Variants in FOXC1 observed in about 807,000 individuals in gnomAD.
The protein encoded by FOXC1 is forkhead box C1, also known as forkhead box protein C1.
In FOXC1, 5 loss-of-function variants were observed where a neutral mutation model predicts 8.1. That is an observed-to-expected ratio of 0.62 (90% CI 0.32 to 1.30). The LOEUF is 1.30. FOXC1 is among the 50% of genes most tolerant of loss of function. The pLI is 0.05. For missense variants in FOXC1, 942 were observed against 858.0 expected, an observed-to-expected ratio of 1.10 and a Z score of -1.22; for synonymous variants, 552 against 417.2, an observed-to-expected ratio of 1.32 and a Z score of -3.94.
At position 1,610,922 on chromosome 6, in the gene FOXC1, C is replaced by T. The variant is rs200884695; in HGVS notation, c.477C>T (p.Tyr159=). The stretch of plus-strand genomic sequence containing the variant: ...ACTGGACGCTGGACCCGGACTCCTA[C>T]AACATGTTCGAGAACGGCAGCTTCC... ...GSYWTLDPDS[Y]NMFENGSFLR... is the part of the protein sequence containing the mutation. Residue 159 remains tyrosine (Y), a synonymous_variant, in exon 1 of 1, where the codon TAC becomes TAT. Coordinates refer to ENST00000645831, the MANE Select transcript of FOXC1 (RefSeq NM_001453.3). 6.2e-6 allele frequency: 10 copies of T among 1,613,814 alleles called. No homozygotes were observed. The highest frequency in any genetic ancestry group is 1.7e-5 in the Admixed American group (1 of 60,004).
In FOXC1 at chr6:1,611,906, C is replaced by CGCG. The variant is rs747574884; in HGVS notation, c.1479_1481dup (p.Ala495dup). 4.3e-4 allele frequency: 665 copies of CGCG among 1,536,664 alleles called. No homozygotes were observed. Among genetic ancestry groups the CGCG allele is most frequent in the Non-Finnish European group, 5.1e-4 (586 of 1,141,696 alleles). On this transcript the variant is annotated inframe_insertion, in exon 1 of 1. Transcript: ENST00000645831. The surrounding 1 kb of genome is among the most constrained non-coding windows in gnomAD (Gnocchi z 7.1). ...GCGGAGACCTGGGCCACTTGGCGAG[C>CGCG]GCGGCGGCGGCGGCGGCGGCCGCAG...
chr6:1,611,375 G>T lies in FOXC1; in HGVS notation c.930G>T (p.Val310=). 1 of 1,447,540 alleles carries T rather than the reference G, an allele frequency of 6.9e-7. No individual in the cohort carries two copies. The highest frequency in any genetic ancestry group is 9.1e-7 in the Non-Finnish European group (1 of 1,101,794). The allele number at this position is 1,447,540 out of a possible 1,614,324, so 89.7% of individuals were successfully genotyped here. The change falls in exon 1 of 1, where the codon GTG becomes GTT. Residue 310 remains valine, a synonymous_variant. Coordinates refer to ENST00000645831, the MANE Select transcript of FOXC1 (RefSeq NM_001453.3). The surrounding 1 kb of genome is among the most constrained non-coding windows in gnomAD (Gnocchi z 7.1). ...PPPHHSQGFS[V]DNIMTSLRGS... is the part of the protein sequence containing the mutation. The stretch of plus-strand genomic sequence containing the variant: ...CGCACCATAGCCAGGGCTTCAGCGT[G>T]GACAACATCATGACGTCGCTGCGGG...
chr6:1,611,691 C>T lies in FOXC1; in HGVS notation c.1246C>T (p.Pro416Ser), dbSNP rs772035500. 4.2e-6 allele frequency: 6 copies of T among 1,426,056 alleles called. No individual in the cohort carries two copies. Among genetic ancestry groups the T allele is most frequent in the Middle Eastern group, 4.6e-4 (2 of 4,302 alleles). The allele number at this position is 1,426,056 out of a possible 1,614,324, so 88.3% of individuals were successfully genotyped here. A position where few individuals can be genotyped will look rare whatever the true frequency, so the allele number is the denominator to read the frequency against. ...GCGCGGGGGCCACTTGCAGGGCGCG[C>T]CCGGGGGCGCGGGCGGCTCGGCCGT... ...GERGGHLQGAPGGAGGSAVDD... is the reference protein window; with the variant it reads ...GERGGHLQGASGGAGGSAVDD... Residue 416 changes from proline to serine, a missense_variant, in exon 1 of 1, where the codon CCC (proline) becomes TCC (serine). By Grantham distance (74) the Pro-to-Ser change is moderately conservative. Around this residue, in one of 4 missense-constraint regions of FOXC1, gnomAD observed 726 missense variants for 599.6 expected, o/e 1.21. Transcript: ENST00000645831. This position sits in a 1 kb window ranked among gnomAD's most constrained non-coding sequence, Gnocchi z 7.1.
chr6:1,610,621 G>T lies in FOXC1; in HGVS notation c.176G>T (p.Gly59Val), dbSNP rs1762519001. 1.9e-6 allele frequency: 3 copies of T among 1,611,168 alleles called. No individual in the cohort carries two copies. Among genetic ancestry groups the T allele is most frequent in the African/African-American group, 2.7e-5 (2 of 74,756 alleles). ...GCGCACGCCGAGCAGTACCCGGGCG[G>T]CATGGCCCGCGCCTACGGGCCCTAC... Reference protein sequence around the residue: ...HPAHAEQYPGGMARAYGPYTP... With the variant: ...HPAHAEQYPGVMARAYGPYTP... The change falls in exon 1 of 1, where the codon GGC (glycine) becomes GTC (valine). Residue 59 changes from glycine (G) to valine (V), a missense_variant. Gly to Val is a moderately radical substitution (Grantham distance 109). This residue lies in a region of FOXC1 where 190 missense variants were observed against 176.8 expected (regional missense o/e 1.07). Coordinates refer to ENST00000645831, the MANE Select transcript of FOXC1 (RefSeq NM_001453.3).
At position 1,612,869 on chromosome 6, in the gene FOXC1, A is replaced by C. The variant is rs1478976089; in HGVS notation, c.*762A>C. The C allele has an allele frequency of 1.4e-5, 3 of 214,330 alleles. No homozygotes were observed. Among genetic ancestry groups the C allele is most frequent in the Non-Finnish European group, 3.1e-5 (3 of 97,010 alleles). 13.3% of individuals were successfully genotyped at this position (214,330 alleles called of 1,614,324 possible). On this transcript the variant is annotated 3_prime_UTR_variant, in exon 1 of 1. Coordinates refer to ENST00000645831, the MANE Select transcript of FOXC1 (RefSeq NM_001453.3). ...CTTTAATAGAGCTTTAATTATTACG[A>C]AAAAAGATTTCAGAGATAAAACACT...
In FOXC1 at chr6:1,611,366, C is replaced by T. The variant is rs369300819; in HGVS notation, c.921C>T (p.Gly307=). The T allele has an allele frequency of 1.5e-3, 2,201 of 1,443,244 alleles. 5 individuals carry two copies. The highest frequency in any genetic ancestry group is 3.4e-3 in the South Asian group (262 of 76,380). The allele number at this position is 1,443,244 out of a possible 1,614,324, so 89.4% of individuals were successfully genotyped here. The change falls in exon 1 of 1, where the codon GGC becomes GGT. Residue 307 remains glycine, a synonymous_variant. Coordinates refer to ENST00000645831, the MANE Select transcript of FOXC1 (RefSeq NM_001453.3). This position sits in a 1 kb window ranked among gnomAD's most constrained non-coding sequence, Gnocchi z 7.1. Reference sequence around the variant, plus strand: ...CCCCGCCGCCGCACCATAGCCAGGGCTTCAGCGTGGACAACATCATGACGT... The same window carrying T: ...CCCCGCCGCCGCACCATAGCCAGGGTTTCAGCGTGGACAACATCATGACGT... ...PSAPPPHHSQ[G]FSVDNIMTSL...
Position 1,611,209 on chromosome 6 carries a change from C to T in FOXC1, c.764C>T (p.Pro255Leu). Reference protein sequence around the residue: ...ALGSGSAAAVPKIESPDSSSS... With the variant: ...ALGSGSAAAVLKIESPDSSSS... Reference sequence around the variant, plus strand: ...GGCAGCGGCAGCGCCGCCGCGGTGCCCAAGATCGAGAGCCCCGACAGCAGC... The same window carrying T: ...GGCAGCGGCAGCGCCGCCGCGGTGCTCAAGATCGAGAGCCCCGACAGCAGC... Residue 255 changes from proline (P) to leucine (L), a missense_variant, in exon 1 of 1, where the codon CCC becomes CTC. Physicochemically the swap from Pro to Leu is moderately conservative, Grantham distance 98 (BLOSUM62 -3). Around this residue, in one of 4 missense-constraint regions of FOXC1, gnomAD observed 726 missense variants for 599.6 expected, o/e 1.21. Transcript: ENST00000645831. The surrounding 1 kb of genome is among the most constrained non-coding windows in gnomAD (Gnocchi z 7.1). 1 of 1,459,784 alleles carries T rather than the reference C, an allele frequency of 6.9e-7. No individual in the cohort carries two copies. The allele number at this position is 1,459,784 out of a possible 1,614,324, so 90.4% of individuals were successfully genotyped here. A position where few individuals can be genotyped will look rare whatever the true frequency, so the allele number is the denominator to read the frequency against.
chr6:1,611,480 AC>A lies in FOXC1; in HGVS notation c.1040del (p.Pro347ArgfsTer54). On this transcript the variant is annotated frameshift_variant, in exon 1 of 1. Coordinates refer to ENST00000645831, the MANE Select transcript of FOXC1 (RefSeq NM_001453.3). LOFTEE classifies it low-confidence loss of function (END_TRUNC). The surrounding 1 kb of genome is among the most constrained non-coding windows in gnomAD (Gnocchi z 7.1). Reference protein sequence around the residue: ...AAASSRAGIAPPLALGAYSPG... With the variant: ...AAASSRAGIAXPLALGAYSPG... ...CCGCGTCCTCGCGCGCGGGGATCGC[AC>A]CCCCGCTGGCGCTCGGCGCCTACTC... The A allele has an allele frequency of 7.2e-7, 1 of 1,379,534 alleles. No homozygotes were observed. Among genetic ancestry groups the A allele is most frequent in the South Asian group, 1.5e-5 (1 of 66,068 alleles). 85.5% of individuals were successfully genotyped at this position (1,379,534 alleles called of 1,614,324 possible).
At position 1,612,560 on chromosome 6, in the gene FOXC1, A is replaced by C. The variant is rs937369274; in HGVS notation, c.*453A>C. The C allele has an allele frequency of 2.8e-5, 7 of 253,400 alleles. No individual in the cohort carries two copies. The highest frequency in any genetic ancestry group is 8.8e-5 in the African/African-American group (4 of 45,312). The allele number at this position is 253,400 out of a possible 1,614,324, so 15.7% of individuals were successfully genotyped here. On this transcript the variant is annotated 3_prime_UTR_variant, in exon 1 of 1. Coordinates refer to ENST00000645831, the MANE Select transcript of FOXC1 (RefSeq NM_001453.3). ...GAGGGGGAAAGTCCCCGTTTATGAA[A>C]GTCGCTTTCTTTTTATTCATGGACT...
At position 1,610,008 on chromosome 6, in the gene FOXC1, G is replaced by A. The variant is rs1762501451; in HGVS notation, c.-438G>A. ...GACGCGGGGCCCGGGCAGGCGGCCGGCGCGCGGCCCCCCCCCCCCCCGCCC... is the reference window on the plus strand; with the variant it reads ...GACGCGGGGCCCGGGCAGGCGGCCGACGCGCGGCCCCCCCCCCCCCCGCCC... On this transcript the variant is annotated 5_prime_UTR_variant, in exon 1 of 1. Coordinates refer to ENST00000645831, the MANE Select transcript of FOXC1 (RefSeq NM_001453.3). 6.9e-6 allele frequency: 1 copy of A among 144,610 alleles called. No individual in the cohort carries two copies. The highest frequency in any genetic ancestry group is 6.7e-5 in the Admixed American group (1 of 14,906). 9.0% of individuals were successfully genotyped at this position (144,610 alleles called of 1,614,324 possible). A position where few individuals can be genotyped will look rare whatever the true frequency, so the allele number is the denominator to read the frequency against.
rs528961345 is a variant in FOXC1, at chr6:1,612,746, T to G, written c.*639T>G. ...TATAAAAAGGGAAACTGTATTAATC[T>G]TATTCTATCCTCTTTTCTTTCTTTT... On this transcript the variant is annotated 3_prime_UTR_variant, in exon 1 of 1. Coordinates refer to ENST00000645831, the MANE Select transcript of FOXC1 (RefSeq NM_001453.3). 5.6e-5 allele frequency: 12 copies of G among 215,336 alleles called. No homozygotes were observed. The highest frequency in any genetic ancestry group is 2.8e-4 in the African/African-American group (12 of 43,590). The allele number at this position is 215,336 out of a possible 1,614,324, so 13.3% of individuals were successfully genotyped here. A position where few individuals can be genotyped will look rare whatever the true frequency, so the allele number is the denominator to read the frequency against.
At position 1,611,762 on chromosome 6, in the gene FOXC1, C is replaced by T; in HGVS notation, c.1317C>T (p.Ser439=). 2.7e-6 allele frequency: 4 copies of T among 1,473,018 alleles called. No homozygotes were observed. The highest frequency in any genetic ancestry group is 3.6e-6 in the Non-Finnish European group (4 of 1,118,644). The allele number at this position is 1,473,018 out of a possible 1,614,324, so 91.2% of individuals were successfully genotyped here. A position where few individuals can be genotyped will look rare whatever the true frequency, so the allele number is the denominator to read the frequency against. ...PDYSLPPVTS[S]SSSSLSHGGG... ...ACTCTCTGCCTCCGGTCACCAGCAGCAGCTCGTCGTCCCTGAGTCACGGCG... is the reference window on the plus strand; with the variant it reads ...ACTCTCTGCCTCCGGTCACCAGCAGTAGCTCGTCGTCCCTGAGTCACGGCG... Residue 439 remains serine (S), a synonymous_variant, in exon 1 of 1, where the codon AGC becomes AGT. Transcript: ENST00000645831. The surrounding 1 kb of genome is among the most constrained non-coding windows in gnomAD (Gnocchi z 7.1).
rs7755359 is a variant in FOXC1, at chr6:1,610,106, G to T, written c.-340G>T. 1 of 150,968 alleles carries T rather than the reference G, an allele frequency of 6.6e-6. No individual in the cohort carries two copies. Among genetic ancestry groups the T allele is most frequent in the African/African-American group, 2.4e-5 (1 of 41,072 alleles). 9.4% of individuals were successfully genotyped at this position (150,968 alleles called of 1,614,324 possible). A position where few individuals can be genotyped will look rare whatever the true frequency, so the allele number is the denominator to read the frequency against. On this transcript the variant is annotated 5_prime_UTR_variant, in exon 1 of 1. Coordinates refer to ENST00000645831, the MANE Select transcript of FOXC1 (RefSeq NM_001453.3). ...AAGGCGCAGGCAGTGTGGCGAGAAG[G>T]GCGCCTGCTTGTTCTTTCTTTTTGT...
At position 1,611,457 on chromosome 6, in the gene FOXC1, G is replaced by A. The variant is rs1196449628; in HGVS notation, c.1012G>A (p.Ala338Thr). Reference protein sequence around the residue: ...LSSGLLASAAASSRAGIAPPL... With the variant: ...LSSGLLASAATSSRAGIAPPL... ...CTCCGGCCTTCTGGCCTCGGCGGCC[G>A]CGTCCTCGCGCGCGGGGATCGCACC... The change falls in exon 1 of 1, where the codon GCG (alanine) becomes ACG (threonine). Residue 338 changes from alanine to threonine, a missense_variant. Physicochemically the swap from Ala to Thr is moderately conservative, Grantham distance 58. Around this residue, in one of 4 missense-constraint regions of FOXC1, gnomAD observed 726 missense variants for 599.6 expected, o/e 1.21. Coordinates refer to ENST00000645831, the MANE Select transcript of FOXC1 (RefSeq NM_001453.3). This position sits in a 1 kb window ranked among gnomAD's most constrained non-coding sequence, Gnocchi z 7.1. The A allele has an allele frequency of 3.6e-6, 5 of 1,383,368 alleles. No homozygotes were observed. The highest frequency in any genetic ancestry group is 2.9e-5 in the Admixed American group (1 of 34,326). The allele number at this position is 1,383,368 out of a possible 1,614,324, so 85.7% of individuals were successfully genotyped here. A position where few individuals can be genotyped will look rare whatever the true frequency, so the allele number is the denominator to read the frequency against.
In FOXC1 at chr6:1,611,799, G is replaced by A; in HGVS notation, c.1354G>A (p.Gly452Ser). Residue 452 changes from glycine to serine, a missense_variant, in exon 1 of 1, where the codon GGC (glycine) becomes AGC (serine). Coordinates refer to ENST00000645831, the MANE Select transcript of FOXC1 (RefSeq NM_001453.3). This position sits in a 1 kb window ranked among gnomAD's most constrained non-coding sequence, Gnocchi z 7.1. ...CCTGAGTCACGGCGGCGGCGGCGGC[G>A]GCGGCGGGGGAGGCCAGGAGGCCGG... ...SSLSHGGGGG[G>S]GGGGQEAGHH... The A allele has an allele frequency of 6.8e-7, 1 of 1,464,172 alleles. No individual in the cohort carries two copies. The allele number at this position is 1,464,172 out of a possible 1,614,324, so 90.7% of individuals were successfully genotyped here. A position where few individuals can be genotyped will look rare whatever the true frequency, so the allele number is the denominator to read the frequency against.
chr6:1,611,123 C>T lies in FOXC1; in HGVS notation c.678C>T (p.Ile226=). The part of the protein sequence containing the change: ...PQPPPVRIQD[I]KTENGTCPSP... The stretch of plus-strand genomic sequence containing the variant: ...CGCCGCCCGTGCGCATCCAGGACAT[C>T]AAGACCGAGAACGGTACGTGCCCCT... Residue 226 remains isoleucine, a synonymous_variant, in exon 1 of 1, where the codon ATC becomes ATT. Transcript: ENST00000645831. The surrounding 1 kb of genome is among the most constrained non-coding windows in gnomAD (Gnocchi z 7.1). 1 of 1,417,814 alleles carries T rather than the reference C, an allele frequency of 7.1e-7. No individual in the cohort carries two copies. Among genetic ancestry groups the T allele is most frequent in the Non-Finnish European group, 9.3e-7 (1 of 1,074,466 alleles). 87.8% of individuals were successfully genotyped at this position (1,417,814 alleles called of 1,614,324 possible).
rs1236568059 is a variant in FOXC1, at chr6:1,611,542, G to T, written c.1097G>T (p.Ser366Ile). The T allele has an allele frequency of 5.5e-6, 7 of 1,268,196 alleles. No homozygotes were observed. In the African/African-American group the frequency reaches 6.3e-5, roughly 11 times the overall value. 78.6% of individuals were successfully genotyped at this position (1,268,196 alleles called of 1,614,324 possible). ...AGCTCCCTCTACAGCTCCCCCTGCA[G>T]CCAGACCTCCAGCGCGGGCAGCTCG... ...GQSSLYSSPC[S>I]QTSSAGSSGG... The change falls in exon 1 of 1, where the codon AGC (serine) becomes ATC (isoleucine). Residue 366 changes from serine (S) to isoleucine (I), a missense_variant. Transcript: ENST00000645831. This position sits in a 1 kb window ranked among gnomAD's most constrained non-coding sequence, Gnocchi z 7.1.
In FOXC1 at chr6:1,610,015, G is replaced by GCT. The variant is rs1762501895; in HGVS notation, c.-430_-429insTC. 1.1e-5 allele frequency: 1 copy of GCT among 92,694 alleles called. No individual in the cohort carries two copies. The highest frequency in any genetic ancestry group is 2.1e-5 in the Non-Finnish European group (1 of 47,048). The allele number at this position is 92,694 out of a possible 1,614,324, so 5.7% of individuals were successfully genotyped here. ...GGCCCGGGCAGGCGGCCGGCGCGCGGCCCCCCCCCCCCCCGCCCTGGTTAT... is the reference window on the plus strand; with the variant it reads ...GGCCCGGGCAGGCGGCCGGCGCGCGGCTCCCCCCCCCCCCCCGCCCTGGTTAT... On this transcript the variant is annotated 5_prime_UTR_variant, in exon 1 of 1. Coordinates refer to ENST00000645831, the MANE Select transcript of FOXC1 (RefSeq NM_001453.3).
Position 1,610,994 on chromosome 6 carries a change from G to A in FOXC1, c.549G>A (p.Lys183=). 6.2e-7 allele frequency: 1 copy of A among 1,611,666 alleles called. No homozygotes were observed. Among genetic ancestry groups the A allele is most frequent in the Non-Finnish European group, 8.5e-7 (1 of 1,179,374 alleles). ...RFKKKDAVKD[K]EEKDRLHLKE... is the part of the protein sequence containing the mutation. ...AGAAGAAGGACGCGGTGAAGGACAA[G>A]GAGGAGAAGGACAGGCTGCACCTCA... Residue 183 remains lysine (K), a synonymous_variant, in exon 1 of 1, where the codon AAG becomes AAA. Coordinates refer to ENST00000645831, the MANE Select transcript of FOXC1 (RefSeq NM_001453.3).
Sources: allele counts gnomAD v4.1 joint callset, GRCh38; gene constraint gnomAD v4.1.1; regional missense constraint gnomAD v4.1.1; non-coding constraint Gnocchi (gnomAD v3.1); transcripts MANE v1.5; gene names NCBI Gene and HGNC (gene_info 2026-07-23, HGNC 2026-07-21).